HOMER1: variants seen among roughly 807,000 people sequenced by gnomAD.
The protein encoded by HOMER1 is homer scaffold protein 1, also known as homer protein homolog 1.
A neutral mutation model predicts 48.9 loss-of-function variants in HOMER1; 3 were observed. That is an observed-to-expected ratio of 0.06 (90% CI 0.03 to 0.16). The LOEUF (loss-of-function observed/expected upper bound fraction) is 0.16, where lower values mean the gene tolerates loss of function less well. HOMER1 is among the 10% of genes least tolerant of loss of function. The probability of loss-of-function intolerance (pLI) is 1.00; values close to 1 mark genes in which losing one functional copy is unlikely to be tolerated. For missense variants in HOMER1, 247 were observed against 411.4 expected, an observed-to-expected ratio of 0.60 and a Z score of 3.46; for synonymous variants, 134 against 146.4, an observed-to-expected ratio of 0.92 and a Z score of 0.61.
intron 2 of HOMER1, among the ~76,000 whole-genome samples, chr5:79,452,805 A>G (rs1751065331): frequency 6.6e-6 from 1 of 152,196 alleles, no homozygotes; most frequent in South Asian, 2.1e-4. Flanking sequence ...CAAAATTTAC[A>G]TATTCATACT....
intron 4 of HOMER1, among the ~76,000 whole-genome samples, chr5:79,443,302 A>T (rs749658700): frequency 6.6e-6 from 1 of 152,234 alleles, no homozygotes; most frequent in South Asian, 2.1e-4. Context: ...TTAGGCATAT[A>T]TAATATTCTA....
rs1419114320 is a variant in HOMER1, at chr5:79,397,612, C to T, written c.710G>A (p.Ser237Asn). Reference protein sequence around the residue: ...KRVTELECVSSQANAVHTHKT... With the variant: ...KRVTELECVSNQANAVHTHKT... ...ATGAGTATGTACTGCATTTGCTTGG[C>T]TACTAACACATTCAAGTTCAGTCAC... Residue 237 changes from serine (S) to asparagine (N), a missense_variant, in exon 7 of 9, where the codon AGC (serine) becomes AAC (asparagine). Coordinates refer to ENST00000334082, the MANE Select transcript of HOMER1 (RefSeq NM_004272.5). The T allele has an allele frequency of 6.2e-7, 1 of 1,605,994 alleles. No homozygotes were observed. The highest frequency in any genetic ancestry group is 8.5e-7 in the Non-Finnish European group (1 of 1,176,032).
At position 79,513,693 on chromosome 5, in the gene HOMER1, T is replaced by C. The variant is rs1462666825; in HGVS notation, c.-919A>G. On this transcript the variant is annotated 5_prime_UTR_variant, in exon 1 of 9. Transcript: ENST00000334082. ...GAGCACAGCGGGTCTGAGGCTCCCG[T>C]CGGCGGAGAATGAATGAATCACAGA... is the stretch of plus-strand genomic sequence containing the variant. The C allele has an allele frequency of 6.6e-6, 1 of 152,030 alleles. No individual in the cohort carries two copies. Among genetic ancestry groups the C allele is most frequent in the African/African-American group, 2.4e-5 (1 of 41,354 alleles). 9.4% of individuals were successfully genotyped at this position (152,030 alleles called of 1,614,324 possible).
intron 1 of HOMER1, among the ~76,000 whole-genome samples, chr5:79,465,099 G>A (rs1751419230): frequency 6.6e-6 from 1 of 152,044 alleles, no homozygotes; most frequent in Non-Finnish European, 1.5e-5. Flanking sequence ...TGCTGTGGGA[G>A]GCCAAAGCGG....
chr5:79,499,254 A>C (rs1752508003), intron 1 of HOMER1, among the ~76,000 whole-genome samples: 1 of 152,206 alleles, frequency 6.6e-6, no homozygotes, highest in Non-Finnish European at 1.5e-5. Flanking sequence ...TAGATGCATA[A>C]GTATTCCAGA....
chr5:79,389,597 G>A (rs1011193598), intron 8 of HOMER1, among the ~76,000 whole-genome samples: 4 of 152,122 alleles, frequency 2.6e-5, no homozygotes, highest in African/African-American at 4.8e-5. Context: ...CATCTTCCCC[G>A]ATGTGAGGAG....
Position 79,452,756 on chromosome 5 carries a change from TGA to T in HOMER1, c.163-1637_163-1636del, listed in dbSNP as rs1197006229. Among the ~76,000 whole-genome samples the T allele has an allele frequency of 2.0e-5, 3 of 151,972 alleles. No homozygotes were observed. The East Asian group carries it at 5.8e-4, about 29-fold the overall frequency. ...GACAGAAGATGTGTCCACTGTTATA[TGA>T]GAGCCCTTATGCTCAATTAAGTGTT... is the stretch of plus-strand genomic sequence containing the variant. On this transcript the variant is annotated intron_variant, in intron 2 of 8. Coordinates refer to ENST00000334082, the MANE Select transcript of HOMER1 (RefSeq NM_004272.5).
chr5:79,439,165 TG>T lies in HOMER1; in HGVS notation c.388-17del, dbSNP rs762508261. On this transcript the variant is annotated splice_polypyrimidine_tract_variant and intron_variant, in intron 4 of 8. Transcript: ENST00000334082. ...CTGCGGATTCCTTTAAAAAAAGGGG[TG>T]GGGGATAAAAAATAGTTACACTTTT... 5 of 1,612,216 alleles carry T rather than the reference TG, an allele frequency of 3.1e-6. No individual in the cohort carries two copies. The Admixed American group carries it at 6.7e-5, about 22-fold the overall frequency.
Position 79,500,995 on chromosome 5 carries a change from A to ACACACAC in HOMER1, c.5+11774_5+11775insGTGTGTG, listed in dbSNP as rs1460147206. Among the ~76,000 whole-genome samples, 17 of 124,212 alleles carry ACACACAC rather than the reference A, an allele frequency of 1.4e-4. No individual in the cohort carries two copies. In the East Asian group the frequency reaches 4.0e-3, roughly 29 times the overall value. 81.5% of individuals were successfully genotyped at this position (124,212 alleles called of 152,430 possible). On this transcript the variant is annotated intron_variant, in intron 1 of 8. Transcript: ENST00000334082. The stretch of plus-strand genomic sequence containing the variant: ...ACACACACACACACACACACACACA[A>ACACACAC]GGTCTGGCTCTATTACCCAGGCTGC...
chr5:79,450,152 T>C (rs1750992876), intron 3 of HOMER1, among the ~76,000 whole-genome samples: 1 of 152,206 alleles, frequency 6.6e-6, no homozygotes, highest in South Asian at 2.1e-4. Flanking sequence ...CCAAATCATA[T>C]GTAAAGTATT....
At chr5:79,498,143 G>A (rs150926441) in intron 1 of HOMER1, among the ~76,000 whole-genome samples, 59 of 152,274 alleles carry the variant, frequency 3.9e-4, no homozygotes, top group African/African-American at 1.3e-3. Context: ...GCTCACCCCT[G>A]TAATCCCTGC....
chr5:79,450,117 G>A (rs1378976087), intron 3 of HOMER1, among the ~76,000 whole-genome samples: 3 of 152,120 alleles, frequency 2.0e-5, no homozygotes, highest in Non-Finnish European at 4.4e-5. Context: ...TCTAGCCTGA[G>A]TTCCAGTATC....
intron 2 of HOMER1, 70 bp from the exon 3 acceptor site, chr5:79,451,191 C>G: frequency 2.7e-6 from 4 of 1,504,572 alleles, no homozygotes; most frequent in Non-Finnish European, 3.7e-6. Flanking sequence ...CAAGACCATT[C>G]AGTTACATAA....
intron 5 of HOMER1, among the ~76,000 whole-genome samples, chr5:79,412,301 G>A (rs1416730107): frequency 6.6e-6 from 1 of 152,082 alleles, no homozygotes; most frequent in Non-Finnish European, 1.5e-5. Flanking sequence ...AACTGTGAAC[G>A]CAGAAGCAAC....
chr5:79,404,351 G>A (rs1426648753), intron 5 of HOMER1, among the ~76,000 whole-genome samples: 3 of 152,130 alleles, frequency 2.0e-5, no homozygotes, highest in Non-Finnish European at 2.9e-5. Context: ...TCACTAGACA[G>A]TAAAATCCAT....
rs10527802 is a variant in HOMER1, at chr5:79,491,075, CAAAAAAAAAAAAAAAAAAAA to C, written c.5+21675_5+21694del. Among the ~76,000 whole-genome samples, 28 of 37,242 alleles carry C rather than the reference CAAAAAAAAAAAAAAAAAAAA, an allele frequency of 7.5e-4. 1 individual carries two copies. The highest frequency in any genetic ancestry group is 1.1e-3 in the Admixed American group (3 of 2,650). 24.4% of individuals were successfully genotyped at this position (37,242 alleles called of 152,430 possible). On this transcript the variant is annotated intron_variant, in intron 1 of 8. Coordinates refer to ENST00000334082, the MANE Select transcript of HOMER1 (RefSeq NM_004272.5). ...TTTTTGGCCTTCAGTAGTACCAAAG[CAAAAAAAAAAAAAAAAAAAA>C]AAAAAAAAAAAAAAAGCTTGTCATG...
intron 1 of HOMER1, among the ~76,000 whole-genome samples, chr5:79,487,916 G>A (rs1304055788): frequency 6.6e-6 from 1 of 152,090 alleles, no homozygotes; most frequent in African/African-American, 2.4e-5. Flanking sequence ...CTAGAGAGGT[G>A]CAGGCAGTAC....
chr5:79,502,250 C>T, intron 1 of HOMER1, among the ~76,000 whole-genome samples: 1 of 151,976 alleles, frequency 6.6e-6, no homozygotes, highest in East Asian at 1.9e-4. Context: ...GATCTCCTGA[C>T]CTGGTGATCT....
intron 1 of HOMER1, among the ~76,000 whole-genome samples, chr5:79,500,985 CACACACACAA>C (rs1752569412): frequency 7.0e-6 from 1 of 143,402 alleles, no homozygotes. Flanking sequence ...CACACACACA[CACACACACAA>C]GGTCTGGCTC....
Sources: gnomAD v4.1 joint callset for allele counts (sites outside exome capture counted in the v4.1 genomes callset) on GRCh38, gnomAD v4.1.1 for gene constraint, MANE v1.5 for transcripts, NCBI Gene and HGNC (gene_info 2026-07-23, HGNC 2026-07-21) for gene names.